The following PCDHA2 variants were observed in gnomAD, a reference collection of about 807,000 sequenced individuals.
The protein encoded by PCDHA2 is protocadherin alpha-2.
Under a neutral mutation model 66.0 loss-of-function variants are expected in PCDHA2, and 58 were observed. The ratio of observed to expected loss-of-function variants is 0.88; its 90% confidence interval spans 0.71 to 1.09. PCDHA2 has a LOEUF of 1.09. PCDHA2 is among the 50% of genes least tolerant of loss of function. PCDHA2 has a pLI of 0.00. For missense variants in PCDHA2, 1,267 were observed against 1,242.3 expected (o/e 1.02, Z -0.30); for synonymous variants, 634 against 554.0 (o/e 1.14, Z -2.03).
intron 1 of PCDHA2, among the ~76,000 whole-genome samples, chr5:140,798,578 T>C (rs1283080104): frequency 6.6e-6 from 1 of 152,188 alleles, no homozygotes; most frequent in Non-Finnish European, 1.5e-5. Context: ...CTGCAGAGAT[T>C]GACTACTTTT....
intron 1 of PCDHA2, chr5:140,824,620 T>TG (rs1472794866): frequency 7.7e-6 from 1 of 130,228 alleles, no homozygotes; most frequent in African/African-American, 3.4e-5. Context: ...GTTTTTTTTT[T>TG]TTTTTTTTTT....
intron 1 of PCDHA2, chr5:140,808,490 C>T (rs782787343): frequency 1.9e-6 from 3 of 1,614,172 alleles, no homozygotes; most frequent in South Asian, 2.2e-5. Flanking sequence ...CTCGCCTTCG[C>T]TGTGGGCCAC....
At chr5:140,870,441 C>T in intron 1 of PCDHA2, 2 of 1,614,224 alleles carry the variant, frequency 1.2e-6, no homozygotes, top group South Asian at 1.1e-5. Context: ...AGGTGGCCGA[C>T]GTGAACGACA....
At chr5:140,983,408 A>C (rs1554245369) in intron 3 of PCDHA2, among the ~76,000 whole-genome samples, 1 of 152,208 alleles carries the variant, frequency 6.6e-6, no homozygotes, top group East Asian at 1.9e-4. Context: ...GGGAAGATTA[A>C]GTGTTGGTAG....
At chr5:140,866,092 G>C (rs1167702930) in intron 1 of PCDHA2, 1 of 152,100 alleles carries the variant, frequency 6.6e-6, no homozygotes, top group Non-Finnish European at 1.5e-5. Context: ...TTATGTAATT[G>C]TTAAGTAATT....
intron 1 of PCDHA2, among the ~76,000 whole-genome samples, chr5:140,889,562 T>C (rs2062274153): frequency 6.6e-6 from 1 of 152,224 alleles, no homozygotes; most frequent in Non-Finnish European, 1.5e-5. Flanking sequence ...TTCAGAATTC[T>C]GCTTTCTGAT....
At position 140,829,016 on chromosome 5, in the gene PCDHA2, G is replaced by C. The variant is rs1554131717; in HGVS notation, c.2388+31664G>C. The C allele has an allele frequency of 5.0e-6, 8 of 1,613,532 alleles. No individual in the cohort carries two copies. In the East Asian group the frequency reaches 1.6e-4, roughly 31 times the overall value. ...AGAAATAGTGATTCGGGGTAATTTG[G>C]ATTTTGAACAAGAAAACTTATACAA... is the stretch of plus-strand genomic sequence containing the variant. On this transcript the variant is annotated intron_variant, in intron 1 of 3. Coordinates refer to ENST00000526136, the MANE Select transcript of PCDHA2 (RefSeq NM_018905.3).
At chr5:140,830,695 C>T (rs1771206789) in intron 1 of PCDHA2, 1 of 285,150 alleles carries the variant, frequency 3.5e-6, no homozygotes, top group African/African-American at 2.2e-5. Context: ...ACAATCTGCA[C>T]CTCAGAATTT....
At chr5:140,850,475 G>C (rs2150485791) in intron 1 of PCDHA2, 7 of 1,597,894 alleles carry the variant, frequency 4.4e-6, no homozygotes, top group Middle Eastern at 1.7e-4. Flanking sequence ...CAGCGCTGAC[G>C]GCCACGGCCA....
chr5:140,825,122 C>T (rs1554130144), intron 1 of PCDHA2: 1 of 151,522 alleles, frequency 6.6e-6, no homozygotes, highest in African/African-American at 2.4e-5. Context: ...ACTTCCCTAC[C>T]CCCTTAAAAA....
chr5:140,867,215 C>T (rs989219715), intron 1 of PCDHA2: 14 of 152,216 alleles, frequency 9.2e-5, no homozygotes, highest in South Asian at 2.1e-4. Flanking sequence ...ACATCTTCAT[C>T]CCCAATTCCC....
intron 1 of PCDHA2, among the ~76,000 whole-genome samples, chr5:140,891,998 A>C (rs1336951985): frequency 2.6e-5 from 4 of 152,200 alleles, no homozygotes; most frequent in Non-Finnish European, 5.9e-5. Flanking sequence ...AGTCTGTGGC[A>C]TTCTGTTATA....
chr5:140,828,874 TATC>T, intron 1 of PCDHA2: 2 of 1,614,208 alleles, frequency 1.2e-6, no homozygotes, highest in Non-Finnish European at 1.7e-6. Context: ...GAACAACAGT[TATC>T]AGACTGAATG....
intron 1 of PCDHA2, among the ~76,000 whole-genome samples, chr5:140,953,733 TG>T (rs1449457533): frequency 2.6e-5 from 4 of 152,200 alleles, no homozygotes; most frequent in Admixed American, 6.5e-5. Context: ...TTGAAATTTT[TG>T]CTTAACATTA....
chr5:140,882,798 A>G, intron 1 of PCDHA2: 1 of 1,614,236 alleles, frequency 6.2e-7, no homozygotes, highest in South Asian at 1.1e-5. Context: ...CCCAACGATT[A>G]TTTCACTTTG....
chr5:140,884,358 A>G lies in PCDHA2; in HGVS notation c.2388+87006A>G, dbSNP rs546242835. On this transcript the variant is annotated intron_variant, in intron 1 of 3. Coordinates refer to ENST00000526136, the MANE Select transcript of PCDHA2 (RefSeq NM_018905.3). Reference sequence around the variant, plus strand: ...CCAGAAGCGGCGCTGGTGGATGTCAATGTTTACTTGATCATTGCCATCTGC... The same window carrying G: ...CCAGAAGCGGCGCTGGTGGATGTCAGTGTTTACTTGATCATTGCCATCTGC... The G allele has an allele frequency of 7.8e-5, 126 of 1,613,886 alleles. 3 individuals carry two copies. The South Asian group carries it at 1.1e-3, about 14-fold the overall frequency.
chr5:140,972,623 T>C (rs1554234256), intron 1 of PCDHA2, among the ~76,000 whole-genome samples: 1 of 151,938 alleles, frequency 6.6e-6, no homozygotes, highest in African/African-American at 2.4e-5. Context: ...TGAATGTTGT[T>C]GGCACTCCCT....
intron 1 of PCDHA2, chr5:140,823,299 G>A (rs2150124417): frequency 5.6e-6 from 9 of 1,612,248 alleles, no homozygotes; most frequent in Non-Finnish European, 6.8e-6. Context: ...GTTACGTTTC[G>A]GTGCACGCGG....
chr5:140,977,923 C>T (rs573696974), intron 1 of PCDHA2, among the ~76,000 whole-genome samples: 2 of 151,828 alleles, frequency 1.3e-5, no homozygotes, highest in Admixed American at 1.3e-4. Flanking sequence ...TTTTTTCATT[C>T]AACTATACCT....
Sources: allele counts gnomAD v4.1 joint callset (sites outside exome capture counted in the v4.1 genomes callset), GRCh38; gene constraint gnomAD v4.1.1; transcripts MANE v1.5; gene names NCBI Gene and HGNC (gene_info 2026-07-23, HGNC 2026-07-21).